SLC6A18: variants seen among roughly 807,000 people sequenced by gnomAD.
SLC6A18 encodes the protein solute carrier family 6 member 18, also known as inactive sodium-dependent neutral amino acid transporter B(0)AT3.
SLC6A18 carries 58 observed loss-of-function variants against 62.9 expected under a neutral mutation model. That is an observed-to-expected ratio of 0.92 (90% CI 0.75 to 1.15). The LOEUF is 1.15. SLC6A18 is among the 50% of genes most tolerant of loss of function. The pLI is 0.00. For synonymous variants in SLC6A18, 382 were observed against 365.8 expected (o/e 1.04, Z -0.51); for missense variants, 793 against 836.6 (o/e 0.95, Z 0.64).
At chr5:1,235,838 T>C (rs573568362) in intron 4 of SLC6A18, among the ~76,000 whole-genome samples, 176 bp downstream of exon 4, 2 of 152,326 alleles carry the variant, frequency 1.3e-5, no homozygotes, top group South Asian at 4.2e-4. Flanking sequence ...ACCTTTTTTA[T>C]TCTGGTGATA....
In SLC6A18 at chr5:1,241,040, G is replaced by A. The variant is rs541695015; in HGVS notation, c.974+381G>A. Among the ~76,000 whole-genome samples, 40 of 152,324 alleles carry A rather than the reference G, an allele frequency of 2.6e-4. No homozygotes were observed. The Middle Eastern group carries it at 0.01, about 39-fold the overall frequency. On this transcript the variant is annotated intron_variant, in intron 7 of 11. Transcript: ENST00000324642. This position sits in a 1 kb window ranked among gnomAD's most constrained non-coding sequence, Gnocchi z 7.8. ...GGTGCAGAAGCTGGAAGAGGCGGGA[G>A]GAGTCTCCCGTGCAGGCTCAGGAGG...
rs751305880 is a variant in SLC6A18, at chr5:1,232,251, G to T, written c.193G>T (p.Val65Phe). The change falls in exon 2 of 12, where the codon GTC (valine) becomes TTC (phenylalanine). Residue 65 changes from valine (V) to phenylalanine (F), a missense_variant. Transcript: ENST00000324642. ...CCTCATCCCCTACGTCATCGCGCTG[G>T]TCTTCGAGGGGATCCCCATTTTCCA... is the stretch of plus-strand genomic sequence containing the variant. ...AFLIPYVIAL[V>F]FEGIPIFHVE... The T allele has an allele frequency of 3.1e-6, 5 of 1,612,960 alleles. No homozygotes were observed. Among genetic ancestry groups the T allele is most frequent in the Non-Finnish European group, 4.2e-6 (5 of 1,179,844 alleles).
rs142866508 is a variant in SLC6A18 at position 1,239,951 on chromosome 5, G to A, written c.845+389G>A. 6.4e-4 allele frequency among the ~76,000 whole-genome samples: 98 copies of A among 152,360 alleles called. No homozygotes were observed. The East Asian group carries it at 0.013, about 19-fold the overall frequency. On this transcript the variant is annotated intron_variant, in intron 6 of 11. Transcript: ENST00000324642. ...AGTGCAATTCCACGGATCATAAAGT[G>A]CATAGCCCAGTGCACTGTGATGAAC...
intron 1 of SLC6A18, among the ~76,000 whole-genome samples, chr5:1,227,736 A>G (rs1473669508): frequency 1.3e-5 from 2 of 152,256 alleles, no homozygotes; most frequent in African/African-American, 4.8e-5. Context: ...AAAGATTTAC[A>G]GTGATTTTCT....
chr5:1,228,604 C>A (rs7730878), intron 1 of SLC6A18, among the ~76,000 whole-genome samples: 82,852 of 152,118 alleles, frequency 0.54, 23,002 homozygotes, highest in Non-Finnish European at 0.6. Context: ...CCGTCTTCGG[C>A]AGACACCACT....
chr5:1,236,138 T>A (rs1336638009), intron 4 of SLC6A18, among the ~76,000 whole-genome samples: 2 of 151,940 alleles, frequency 1.3e-5, no homozygotes, highest in East Asian at 3.9e-4. Context: ...TCTGTTTTTT[T>A]TTATTCTTGT....
At chr5:1,227,165 C>G (rs1004138994) in intron 1 of SLC6A18, among the ~76,000 whole-genome samples, 3 of 140,182 alleles carry the variant, frequency 2.1e-5, no homozygotes, top group African/African-American at 7.4e-5. Context: ...CCGCCGATGC[C>G]TTGCCCGCCG....
chr5:1,237,864 G>A (rs916694938), intron 4 of SLC6A18, 86 bp from the exon 5 acceptor site: 35 of 1,010,098 alleles, frequency 3.5e-5, no homozygotes, highest in Non-Finnish European at 4.5e-5. Context: ...CCACAAGGGC[G>A]GTGTCTGGAG....
chr5:1,231,119 C>A (rs371316971), intron 1 of SLC6A18, among the ~76,000 whole-genome samples: 73 of 152,314 alleles, frequency 4.8e-4, no homozygotes, highest in African/African-American at 1.6e-3. Context: ...CCAGCTCTGC[C>A]GCTGGGGCCA....
In SLC6A18 at chr5:1,243,409, C is replaced by T. The variant is rs1747119243; in HGVS notation, c.1132-146C>T. On this transcript the variant is annotated intron_variant, in intron 8 of 11. Coordinates refer to ENST00000324642, the MANE Select transcript of SLC6A18 (RefSeq NM_182632.3). The surrounding 1 kb of genome is among the most constrained non-coding windows in gnomAD (Gnocchi z 6.5). ...CTCGTCTCCCAGAAGGCATGGCCAGCCCTGAGCCACCTCAGCCCGACACCA... is the reference window on the plus strand; with the variant it reads ...CTCGTCTCCCAGAAGGCATGGCCAGTCCTGAGCCACCTCAGCCCGACACCA... 3 of 886,192 alleles carry T rather than the reference C, an allele frequency of 3.4e-6. No individual in the cohort carries two copies. The highest frequency in any genetic ancestry group is 5.2e-6 in the Non-Finnish European group (3 of 575,158). 54.9% of individuals were successfully genotyped at this position (886,192 alleles called of 1,614,324 possible). A position where few individuals can be genotyped will look rare whatever the true frequency, so the allele number is the denominator to read the frequency against.
chr5:1,227,000 C>T (rs11133699), intron 1 of SLC6A18, among the ~76,000 whole-genome samples: 48,243 of 149,594 alleles, frequency 0.32, 8,066 homozygotes, highest in Non-Finnish European at 0.35. Flanking sequence ...CCTTGCCCAC[C>T]GATGCCTTGC....
intron 7 of SLC6A18, among the ~76,000 whole-genome samples, chr5:1,242,425 A>AGCCCTCC (rs1561180389): frequency 2.4e-4 from 16 of 67,950 alleles, no homozygotes; most frequent in African/African-American, 9.5e-4. Context: ...GGAGGCGTCC[A>AGCCCTCC]CACGATCCCA....
intron 3 of SLC6A18, among the ~76,000 whole-genome samples, chr5:1,233,092 T>C (rs770953395): frequency 6.6e-6 from 1 of 152,258 alleles, no homozygotes; most frequent in African/African-American, 2.4e-5. Context: ...ACCTCCACGC[T>C]GTGCTGTGCT....
intron 3 of SLC6A18, among the ~76,000 whole-genome samples, chr5:1,234,965 C>T (rs1258745618): frequency 5.3e-5 from 8 of 152,230 alleles, no homozygotes; most frequent in Non-Finnish European, 1.0e-4. Flanking sequence ...AGAGATGTCA[C>T]GGGAGCCTGC....
chr5:1,227,073 C>CCCTTGCCCGCCGACG (rs776335328), intron 1 of SLC6A18, among the ~76,000 whole-genome samples: 5 of 69,064 alleles, frequency 7.2e-5, no homozygotes, highest in African/African-American at 1.4e-4. Flanking sequence ...GCCCGCCGAC[C>CCCTTGCCCGCCGACG]CCTTGCCCGC....
rs1579525174 is a variant in SLC6A18 at position 1,229,864 on chromosome 5, G to C, written c.161-2355G>C. Among the ~76,000 whole-genome samples, 3 of 143,046 alleles carry C rather than the reference G, an allele frequency of 2.1e-5. No homozygotes were observed. The East Asian group carries it at 5.9e-4, about 28-fold the overall frequency. The allele number at this position is 143,046 out of a possible 152,430, so 93.8% of individuals were successfully genotyped here. On this transcript the variant is annotated intron_variant, in intron 1 of 11. Coordinates refer to ENST00000324642, the MANE Select transcript of SLC6A18 (RefSeq NM_182632.3). ...CTCTCACGGTACAGGCTGGAGATGG[G>C]GGAGGGGAGAGGGGCTCTCACAGCG... is the stretch of plus-strand genomic sequence containing the variant.
chr5:1,239,009 G>A (rs954695716), intron 5 of SLC6A18, among the ~76,000 whole-genome samples: 2 of 152,216 alleles, frequency 1.3e-5, no homozygotes, highest in East Asian at 1.9e-4. Context: ...ATGTCTGCCC[G>A]GAGTCCTAGC....
Position 1,241,992 on chromosome 5 carries a change from G to A in SLC6A18, c.975-715G>A, listed in dbSNP as rs144972883. Among the ~76,000 whole-genome samples the A allele has an allele frequency of 5.6e-3, 828 of 147,058 alleles. 9 individuals are homozygous for A. The highest frequency in any genetic ancestry group is 0.049 in the Middle Eastern group (13 of 264). On this transcript the variant is annotated intron_variant, in intron 7 of 11. Transcript: ENST00000324642. The surrounding 1 kb of genome is among the most constrained non-coding windows in gnomAD (Gnocchi z 7.8). ...TGGAGCCCCAAAAAGGTGTTTGCTG[G>A]TATCCATGTGTCCCGCCCTTGGCTG...
chr5:1,240,791 G>C, intron 7 of SLC6A18, 132 bp downstream of exon 7: 1 of 1,298,410 alleles, frequency 7.7e-7, no homozygotes, highest in Non-Finnish European at 1.1e-6. Context: ...GGAGTGAATG[G>C]TGTCCCCAGA....
Sources: gnomAD v4.1 joint callset for allele counts (sites outside exome capture counted in the v4.1 genomes callset) on GRCh38, gnomAD v4.1.1 for gene constraint, Gnocchi (gnomAD v3.1) non-coding constraint, MANE v1.5 for transcripts, NCBI Gene and HGNC (gene_info 2026-07-23, HGNC 2026-07-21) for gene names.